Variants in NKD1 observed in about 807,000 individuals in gnomAD.
The protein encoded by NKD1 is NKD inhibitor of Wnt signaling pathway 1, also known as protein naked cuticle homolog 1.
NKD1 carries 21 observed loss-of-function variants against 56.0 expected under a neutral mutation model. That is an observed-to-expected ratio of 0.38 (90% CI 0.27 to 0.54). The LOEUF (loss-of-function observed/expected upper bound fraction) is 0.54. Among genes scored for constraint, NKD1 ranks in the 20% least tolerant of loss-of-function variants. NKD1 has a pLI of 0.82. For synonymous variants in NKD1, 263 were observed against 265.7 expected (o/e 0.99, Z 0.10); for missense variants, 578 against 642.7 (o/e 0.90, Z 1.09).
chr16:50,611,475 G>T (rs929975344), intron 4 of NKD1, among the ~76,000 whole-genome samples: 2 of 151,594 alleles, frequency 1.3e-5, no homozygotes, highest in African/African-American at 4.9e-5. Context: ...CTTTGGCCCT[G>T]CTGCCCTCTC....
chr16:50,600,291 C>T (rs1197044803), intron 3 of NKD1, among the ~76,000 whole-genome samples: 2 of 151,574 alleles, frequency 1.3e-5, no homozygotes, highest in Non-Finnish European at 2.9e-5. Flanking sequence ...GACAACATAG[C>T]GAGACTGTGT....
intron 3 of NKD1, among the ~76,000 whole-genome samples, chr16:50,595,978 G>C (rs956151657): frequency 6.6e-6 from 1 of 152,224 alleles, no homozygotes; most frequent in African/African-American, 2.4e-5. Context: ...GGATGGGCAG[G>C]AGAGAGTGCC....
chr16:50,601,457 C>T (rs1017552571), intron 3 of NKD1, among the ~76,000 whole-genome samples: 4 of 152,210 alleles, frequency 2.6e-5, no homozygotes, highest in East Asian at 1.9e-4. Flanking sequence ...TGGTACCAGG[C>T]GCTGTTTGAG....
intron 3 of NKD1, among the ~76,000 whole-genome samples, chr16:50,560,789 A>G (rs865982470): frequency 2.0e-5 from 3 of 151,578 alleles, no homozygotes; most frequent in African/African-American, 7.3e-5. Flanking sequence ...AAAAAAATGT[A>G]TACACACACT....
Position 50,632,227 on chromosome 16 carries a change from T to C in NKD1, c.696-54T>C. ...GGGGGCTTCCTAGTAGCCTATGCGCTTGCCCCCACCTGGTGGTTGGTGTTA... is the reference window on the plus strand; with the variant it reads ...GGGGGCTTCCTAGTAGCCTATGCGCCTGCCCCCACCTGGTGGTTGGTGTTA... On this transcript the variant is annotated intron_variant, in intron 8 of 9. Transcript: ENST00000268459. This position sits in a 1 kb window ranked among gnomAD's most constrained non-coding sequence, Gnocchi z 4.1. The C allele has an allele frequency of 6.3e-7, 1 of 1,599,912 alleles. No homozygotes were observed. The highest frequency in any genetic ancestry group is 8.6e-7 in the Non-Finnish European group (1 of 1,168,878).
chr16:50,574,337 C>A (rs542170539), intron 3 of NKD1: 13 of 985,344 alleles, frequency 1.3e-5, no homozygotes, highest in Non-Finnish European at 1.6e-5. Flanking sequence ...GCTGAGGTGT[C>A]CTGGGAGGGC....
chr16:50,608,212 G>A, intron 3 of NKD1, 82 bp from the exon 4 acceptor site: 1 of 919,342 alleles, frequency 1.1e-6, no homozygotes, highest in East Asian at 2.4e-5. Context: ...ATCAGCCCAG[G>A]GTCCTCATGG....
In NKD1 at chr16:50,648,066, G is replaced by C. The variant is rs1962712319; in HGVS notation, c.*14285G>C. ...GCCAGCAACCTGGGTGATTTCCGCAGGTGTCTGAACCCCGATCTCTCAGTG... is the reference window on the plus strand; with the variant it reads ...GCCAGCAACCTGGGTGATTTCCGCACGTGTCTGAACCCCGATCTCTCAGTG... On this transcript the variant is annotated 3_prime_UTR_variant, in exon 10 of 10. Transcript: ENST00000268459. 6.6e-6 allele frequency: 1 copy of C among 152,294 alleles called. No homozygotes were observed. The highest frequency in any genetic ancestry group is 2.4e-5 in the African/African-American group (1 of 41,432). 9.4% of individuals were successfully genotyped at this position (152,294 alleles called of 1,614,324 possible). A position where few individuals can be genotyped will look rare whatever the true frequency, so the allele number is the denominator to read the frequency against.
At chr16:50,551,989 T>C (rs1159258364) in intron 3 of NKD1, 1 of 152,144 alleles carries the variant, frequency 6.6e-6, no homozygotes, top group African/African-American at 2.4e-5. Context: ...GGGTAGCTGG[T>C]AGGTTCTTCC....
chr16:50,625,187 TC>T, intron 5 of NKD1: 1 of 435,404 alleles, frequency 2.3e-6, no homozygotes, highest in Non-Finnish European at 4.2e-6. Flanking sequence ...GTTCAGCTTT[TC>T]TGAGGCCACA....
At chr16:50,565,628 GC>G (rs2151265242) in intron 3 of NKD1, among the ~76,000 whole-genome samples, 1 of 152,306 alleles carries the variant, frequency 6.6e-6, no homozygotes, top group East Asian at 1.9e-4. Context: ...GTTCGAGGCT[GC>G]AGTGAGCCAT....
intron 4 of NKD1, among the ~76,000 whole-genome samples, chr16:50,618,482 C>G (rs1962013073): frequency 6.6e-6 from 1 of 152,184 alleles, no homozygotes; most frequent in Non-Finnish European, 1.5e-5. Context: ...CTGCACAGGG[C>G]TGGCTGGGGG....
chr16:50,618,065 GTTTGGCTCAGCAAGT>G (rs1962001896), intron 4 of NKD1, among the ~76,000 whole-genome samples: 1 of 152,156 alleles, frequency 6.6e-6, no homozygotes, highest in Non-Finnish European at 1.5e-5. Context: ...GGTGGGCCAG[GTTTGGCTCAGCAAGT>G]GTAGTTTGCC....
At chr16:50,629,607 G>A (rs1225674935) in intron 6 of NKD1, among the ~76,000 whole-genome samples, 1 of 152,150 alleles carries the variant, frequency 6.6e-6, no homozygotes, top group Non-Finnish European at 1.5e-5. Flanking sequence ...AAGCACAAGG[G>A]AGGGTTGGGC....
chr16:50,626,556 G>A (rs903106254), intron 6 of NKD1, among the ~76,000 whole-genome samples: 3 of 152,222 alleles, frequency 2.0e-5, no homozygotes, highest in Non-Finnish European at 2.9e-5. Context: ...TTAAGGAACT[G>A]AAGGAGGTGG....
At position 50,633,677 on chromosome 16, in the gene NKD1, G is replaced by T; in HGVS notation, c.1309G>T (p.Ala437Ser). ...LGREHLRELP[A>S]LVVYESQAGQ... ...GCGGGAGCACCTGCGGGAGCTGCCCGCCTTGGTGGTGTATGAGAGCCAGGC... is the reference window on the plus strand; with the variant it reads ...GCGGGAGCACCTGCGGGAGCTGCCCTCCTTGGTGGTGTATGAGAGCCAGGC... Residue 437 changes from alanine to serine, a missense_variant, in exon 10 of 10, where the codon GCC (alanine) becomes TCC (serine). By Grantham distance (99) the Ala-to-Ser change is moderately conservative. Coordinates refer to ENST00000268459, the MANE Select transcript of NKD1 (RefSeq NM_033119.5). This position sits in a 1 kb window ranked among gnomAD's most constrained non-coding sequence, Gnocchi z 4.9. 1 of 1,600,874 alleles carries T rather than the reference G, an allele frequency of 6.2e-7. No homozygotes were observed. The highest frequency in any genetic ancestry group is 8.5e-7 in the Non-Finnish European group (1 of 1,174,438).
chr16:50,629,475 T>A (rs1204792314), intron 6 of NKD1, among the ~76,000 whole-genome samples: 1 of 152,216 alleles, frequency 6.6e-6, no homozygotes, highest in Non-Finnish European at 1.5e-5. Flanking sequence ...ATGCTGTTGA[T>A]GCCCCCACTC....
intron 4 of NKD1, among the ~76,000 whole-genome samples, chr16:50,615,704 G>A (rs1961945010): frequency 6.6e-6 from 1 of 152,158 alleles, no homozygotes; most frequent in African/African-American, 2.4e-5. Context: ...GCAGGGAAAC[G>A]GCATAATCAG....
At chr16:50,581,138 C>T (rs535813251) in intron 3 of NKD1, among the ~76,000 whole-genome samples, 18 of 152,242 alleles carry the variant, frequency 1.2e-4, no homozygotes, top group African/African-American at 3.9e-4. Context: ...TTGGGGCTTG[C>T]GGTATCTGCC....
Sources: gnomAD v4.1 joint callset for allele counts (sites outside exome capture counted in the v4.1 genomes callset) on GRCh38, gnomAD v4.1.1 for gene constraint, Gnocchi (gnomAD v3.1) non-coding constraint, MANE v1.5 for transcripts, NCBI Gene and HGNC (gene_info 2026-07-23, HGNC 2026-07-21) for gene names.